The following NFATC2 variants were observed in gnomAD, a reference collection of about 807,000 sequenced individuals.
The protein encoded by NFATC2 is nuclear factor of activated T-cells, cytoplasmic 2.
A neutral mutation model predicts 87.3 loss-of-function variants in NFATC2; 22 were observed. The observed-to-expected ratio is 0.25, with a 90% CI of 0.18 to 0.36. NFATC2 has a LOEUF of 0.36. Ranked by LOEUF, NFATC2 falls within the 10% of genes least tolerant of loss-of-function variation. The pLI is 1.00. For synonymous variants in NFATC2, 565 were observed against 542.2 expected, an observed-to-expected ratio of 1.04 and a Z score of -0.58; for missense variants, 1,149 against 1,259.1, an observed-to-expected ratio of 0.91 and a Z score of 1.32.
intron 1 of NFATC2, among the ~76,000 whole-genome samples, chr20:51,550,645 A>T (rs746562512): frequency 6.6e-6 from 1 of 152,134 alleles, no homozygotes; most frequent in South Asian, 2.1e-4. Context: ...AATATGCTTA[A>T]CCCACTGAAC....
In NFATC2 at chr20:51,523,378, T is replaced by C. The variant is rs2076483568; in HGVS notation, c.863A>G (p.His288Arg). The change falls in exon 2 of 11, where the codon CAC becomes CGC. Residue 288 changes from histidine to arginine, a missense_variant. His to Arg is a conservative substitution (Grantham distance 29). Coordinates refer to ENST00000371564, the MANE Select transcript of NFATC2 (RefSeq NM_012340.5). This position sits in a 1 kb window ranked among gnomAD's most constrained non-coding sequence, Gnocchi z 6.9. ...AGGGGGGTACCCAGCCGGGGAGCCG[T>C]GGTCCTGGGGTGCCACGTGAGATGA... ...QPSSHVAPQD[H>R]GSPAGYPPVA... 2 of 1,610,956 alleles carry C rather than the reference T, an allele frequency of 1.2e-6. No homozygotes were observed. Among genetic ancestry groups the C allele is most frequent in the African/African-American group, 2.7e-5 (2 of 74,840 alleles).
At chr20:51,428,633 A>C (rs1600711534) in intron 9 of NFATC2, among the ~76,000 whole-genome samples, 3 of 152,270 alleles carry the variant, frequency 2.0e-5, no homozygotes, top group African/African-American at 7.2e-5. Flanking sequence ...AGGAAACGAT[A>C]ACTCAGAGCC....
chr20:51,525,197 G>A (rs2076524059), intron 1 of NFATC2, among the ~76,000 whole-genome samples: 1 of 152,180 alleles, frequency 6.6e-6, no homozygotes, highest in African/African-American at 2.4e-5. Context: ...GCCGGCCTGG[G>A]TGATAGAGTG....
intron 6 of NFATC2, among the ~76,000 whole-genome samples, chr20:51,451,939 A>C (rs946649592): frequency 6.6e-6 from 1 of 152,218 alleles, no homozygotes; most frequent in Non-Finnish European, 1.5e-5. Context: ...CAATGTAATA[A>C]TCATAAAAAT....
At position 51,435,668 on chromosome 20, in the gene NFATC2, G is replaced by C. The variant is rs368938406; in HGVS notation, c.1905+38C>G. The C allele has an allele frequency of 3.8e-6, 6 of 1,592,584 alleles. No individual in the cohort carries two copies. In the African/African-American group the frequency reaches 8.0e-5, roughly 21 times the overall value. ...AAGAGCATGAAAGAGGGAAACGTGA[G>C]GGGGATTGAGAGACACTCAGGTGCG... On this transcript the variant is annotated intron_variant, in intron 7 of 10. Transcript: ENST00000371564.
intron 1 of NFATC2, among the ~76,000 whole-genome samples, chr20:51,531,534 G>T (rs971319555): frequency 6.6e-6 from 1 of 152,174 alleles, no homozygotes; most frequent in African/African-American, 2.4e-5. Flanking sequence ...CACCAAGCAA[G>T]AGCTCTACGC....
rs765804863 is a variant in NFATC2, at chr20:51,523,632, C to T, written c.609G>A (p.Pro203=). 11 of 1,613,790 alleles carry T rather than the reference C, an allele frequency of 6.8e-6. No individual in the cohort carries two copies. The highest frequency in any genetic ancestry group is 3.4e-6 in the Non-Finnish European group (4 of 1,179,832). The stretch of plus-strand genomic sequence containing the variant: ...AATGAGCAGGGATGTTTTGAAACTG[C>T]GGACACAGGTCGTCGGGCCCGCCGT... ...PNNGGPDDLC[P]QFQNIPAHYS... is the part of the protein sequence containing the mutation. The change falls in exon 2 of 11, where the codon CCG becomes CCA. Residue 203 remains proline, a synonymous_variant. Coordinates refer to ENST00000371564, the MANE Select transcript of NFATC2 (RefSeq NM_012340.5). This position sits in a 1 kb window ranked among gnomAD's most constrained non-coding sequence, Gnocchi z 6.9.
chr20:51,561,456 AAAGAAAG>A (rs1283392982), intron 1 of NFATC2, among the ~76,000 whole-genome samples: 1 of 122,610 alleles, frequency 8.2e-6, no homozygotes. Flanking sequence ...AGAAAGAAAG[AAAGAAAG>A]AAAGAAAGAA....
At chr20:51,451,105 C>G (rs995731039) in intron 6 of NFATC2, among the ~76,000 whole-genome samples, 1 of 152,194 alleles carries the variant, frequency 6.6e-6, no homozygotes, top group Admixed American at 6.5e-5. Flanking sequence ...AGAAACCACT[C>G]AGTCAACAGA....
chr20:51,411,114 G>A (rs369785603), intron 9 of NFATC2, among the ~76,000 whole-genome samples: 2 of 152,190 alleles, frequency 1.3e-5, no homozygotes, highest in African/African-American at 2.4e-5. Flanking sequence ...AGTGACCCAT[G>A]AGGTAAGTGT....
intron 1 of NFATC2, among the ~76,000 whole-genome samples, chr20:51,548,175 C>T (rs751637537): frequency 1.3e-5 from 2 of 152,160 alleles, no homozygotes; most frequent in Non-Finnish European, 2.9e-5. Context: ...TCCTTGATAA[C>T]GCCCACATGA....
intron 1 of NFATC2, among the ~76,000 whole-genome samples, chr20:51,526,013 C>T (rs1157283105): frequency 1.3e-5 from 2 of 151,310 alleles, no homozygotes. Flanking sequence ...GCCTCAGACG[C>T]CTTGGGTTCC....
intron 10 of NFATC2, among the ~76,000 whole-genome samples, chr20:51,394,478 C>T (rs866813041): frequency 3.9e-5 from 6 of 152,230 alleles, no homozygotes; most frequent in South Asian, 2.1e-4. Flanking sequence ...TTTTCCTTTT[C>T]GCTCATGTTA....
intron 10 of NFATC2, among the ~76,000 whole-genome samples, chr20:51,391,731 G>A (rs1408443273): frequency 6.6e-6 from 1 of 152,086 alleles, no homozygotes; most frequent in Admixed American, 6.5e-5. Flanking sequence ...GCCCAGGCTG[G>A]TCTCAAACTC....
At chr20:51,442,650 T>C (rs2146379799) in intron 6 of NFATC2, among the ~76,000 whole-genome samples, 1 of 152,210 alleles carries the variant, frequency 6.6e-6, no homozygotes, top group East Asian at 1.9e-4. Context: ...TCAAGAAACA[T>C]GTAACATCAC....
At chr20:51,428,473 G>A (rs184289303) in intron 9 of NFATC2, among the ~76,000 whole-genome samples, 59 of 152,304 alleles carry the variant, frequency 3.9e-4, no homozygotes, top group Admixed American at 7.2e-4. Context: ...CAGAAGGAGC[G>A]CCTTGGTGTT....
At chr20:51,508,552 C>G (rs975651247) in intron 3 of NFATC2, among the ~76,000 whole-genome samples, 1 of 151,982 alleles carries the variant, frequency 6.6e-6, no homozygotes, top group Non-Finnish European at 1.5e-5. Flanking sequence ...CCTCAAAAGT[C>G]GGCCTCAGAA....
At chr20:51,536,915 A>ACACACG (rs2076731077) in intron 1 of NFATC2, among the ~76,000 whole-genome samples, 2 of 151,986 alleles carry the variant, frequency 1.3e-5, no homozygotes, top group African/African-American at 4.8e-5. Flanking sequence ...ACACACACAC[A>ACACACG]CACACACAGA....
chr20:51,408,368 G>T (rs374324665), intron 9 of NFATC2, among the ~76,000 whole-genome samples: 38 of 151,862 alleles, frequency 2.5e-4, no homozygotes, highest in African/African-American at 8.5e-4. Context: ...ACAAAAATTA[G>T]CCGGGTGTGG....
Sources: gnomAD v4.1 joint callset for allele counts (sites outside exome capture counted in the v4.1 genomes callset) on GRCh38, gnomAD v4.1.1 for gene constraint, Gnocchi (gnomAD v3.1) non-coding constraint, MANE v1.5 for transcripts, NCBI Gene and HGNC (gene_info 2026-07-23, HGNC 2026-07-21) for gene names.